Variants in NXPE2 observed in about 807,000 individuals in gnomAD.
NXPE2 encodes NXPE family member 2.
Under a neutral mutation model 34.4 loss-of-function variants are expected in NXPE2, and 34 were observed. That is an observed-to-expected ratio of 0.99 (90% confidence interval 0.75 to 1.31). The LOEUF is 1.31. NXPE2 is among the 40% of genes most tolerant of loss of function. NXPE2 has a pLI of 0.00. For missense variants in NXPE2, 649 were observed against 672.5 expected (o/e 0.97, Z 0.39); for synonymous variants, 235 against 231.3 (o/e 1.02, Z -0.15).
the NXPE2 span, among the ~76,000 whole-genome samples, chr11:114,739,024 A>G: frequency 6.6e-6 from 1 of 152,234 alleles, no homozygotes; most frequent in African/African-American, 2.4e-5. Context: ...ATGAAAGTAG[A>G]AGACAAATGA....
At chr11:114,567,264 A>G in the NXPE2 span, among the ~76,000 whole-genome samples, 2 of 151,864 alleles carry the variant, frequency 1.3e-5, no homozygotes, top group Non-Finnish European at 2.9e-5. Flanking sequence ...TGGGCACTCG[A>G]TTCCCCATGC....
At chr11:114,638,682 A>AC in the NXPE2 span, among the ~76,000 whole-genome samples, 159 of 152,228 alleles carry the variant, frequency 1.0e-3, 1 homozygote, top group African/African-American at 3.6e-3. Flanking sequence ...TCTTTCTAAC[A>AC]GACAGGACCG....
the NXPE2 span, among the ~76,000 whole-genome samples, chr11:114,473,592 A>G: frequency 6.6e-6 from 1 of 152,228 alleles, no homozygotes; most frequent in African/African-American, 2.4e-5. Context: ...TTCATTACAG[A>G]CTATGTTTTG....
chr11:114,696,702 A>G (rs1363886719), intron 2 of NXPE2, among the ~76,000 whole-genome samples: 1 of 152,232 alleles, frequency 6.6e-6, no homozygotes, highest in Non-Finnish European at 1.5e-5. Context: ...AACAACATTA[A>G]CATTGTTCTT....
chr11:114,597,362 C>G, the NXPE2 span, among the ~76,000 whole-genome samples: 2 of 152,046 alleles, frequency 1.3e-5, no homozygotes, highest in Non-Finnish European at 2.9e-5. Flanking sequence ...CAGGGGTGGA[C>G]AAACTTTTTC....
At chr11:114,589,853 A>G in the NXPE2 span, among the ~76,000 whole-genome samples, 2 of 152,198 alleles carry the variant, frequency 1.3e-5, no homozygotes, top group African/African-American at 4.8e-5. Context: ...TTAGGAGCAC[A>G]AAAACCCAAT....
At chr11:114,474,227 C>T in the NXPE2 span, among the ~76,000 whole-genome samples, 1 of 151,970 alleles carries the variant, frequency 6.6e-6, no homozygotes, top group African/African-American at 2.4e-5. Flanking sequence ...TTGGGTCCAT[C>T]CGTATATGAA....
the NXPE2 span, among the ~76,000 whole-genome samples, chr11:114,781,723 C>G: frequency 1.3e-5 from 2 of 152,122 alleles, no homozygotes; most frequent in East Asian, 3.9e-4. Flanking sequence ...GTAGGGTGGT[C>G]TATAAATAAT....
At chr11:114,612,752 A>G in the NXPE2 span, among the ~76,000 whole-genome samples, 1 of 151,918 alleles carries the variant, frequency 6.6e-6, no homozygotes, top group African/African-American at 2.4e-5. Context: ...AGTATTTAAT[A>G]AGTGTTGCCT....
intron 3 of NXPE2, among the ~76,000 whole-genome samples, chr11:114,699,661 A>AT (rs1448555161): frequency 1.3e-5 from 2 of 151,780 alleles, no homozygotes; most frequent in East Asian, 1.9e-4. Flanking sequence ...CTAGTCCTAT[A>AT]TTTTTCCTTA....
At chr11:114,602,211 C>CA in the NXPE2 span, among the ~76,000 whole-genome samples, 2 of 104,392 alleles carry the variant, frequency 1.9e-5, no homozygotes, top group African/African-American at 7.7e-5. Flanking sequence ...ATACTATATA[C>CA]AATATATGTT....
the NXPE2 span, among the ~76,000 whole-genome samples, chr11:114,645,454 G>A: frequency 6.6e-6 from 1 of 152,066 alleles, no homozygotes. Context: ...GTATTTTCTG[G>A]AGAATAAAAG....
the NXPE2 span, among the ~76,000 whole-genome samples, chr11:114,544,644 C>A: frequency 6.6e-6 from 1 of 152,078 alleles, no homozygotes; most frequent in Admixed American, 6.5e-5. Flanking sequence ...ACATGAAAAT[C>A]TGTGTGAACT....
the NXPE2 span, among the ~76,000 whole-genome samples, chr11:114,495,220 C>T: frequency 6.6e-6 from 1 of 152,026 alleles, no homozygotes; most frequent in Non-Finnish European, 1.5e-5. Flanking sequence ...TGCCTGGCTA[C>T]TGCCTATGTT....
chr11:114,696,293 C>A (rs1323427470), intron 2 of NXPE2, among the ~76,000 whole-genome samples: 1 of 140,486 alleles, frequency 7.1e-6, no homozygotes, highest in Admixed American at 7.5e-5. Flanking sequence ...GATTGTGCCA[C>A]TGCAATCCAG....
the NXPE2 span, among the ~76,000 whole-genome samples, chr11:114,566,264 TAG>T: frequency 1.3e-5 from 2 of 151,818 alleles, no homozygotes; most frequent in African/African-American, 4.9e-5. Flanking sequence ...AATTAGCATA[TAG>T]ATAGAGCAAA....
chr11:114,540,827 A>G, the NXPE2 span, among the ~76,000 whole-genome samples: 1 of 137,028 alleles, frequency 7.3e-6, no homozygotes, highest in African/African-American at 2.7e-5. Context: ...AAAACACAAT[A>G]GAAAGCCATC....
chr11:114,486,545 A>G, the NXPE2 span, among the ~76,000 whole-genome samples: 23 of 151,966 alleles, frequency 1.5e-4, no homozygotes, highest in African/African-American at 5.6e-4. Flanking sequence ...GCCTGTGATT[A>G]TGTATTATAG....
the NXPE2 span, among the ~76,000 whole-genome samples, chr11:114,602,273 A>T: frequency 8.4e-6 from 1 of 118,558 alleles, no homozygotes; most frequent in African/African-American, 3.4e-5. Context: ...AATATATATT[A>T]TACTATATAT....
Sources: allele counts gnomAD v4.1 joint callset (sites outside exome capture counted in the v4.1 genomes callset), GRCh38; gene constraint gnomAD v4.1.1; transcripts MANE v1.5; gene names NCBI Gene and HGNC (gene_info 2026-07-23, HGNC 2026-07-21).